The following ADGRA3 variants were observed in gnomAD, a reference collection of about 807,000 sequenced individuals.
ADGRA3 encodes the protein G-protein coupled receptor 125.
In ADGRA3, 56 loss-of-function variants were observed where a neutral mutation model predicts 119.8. That is an observed-to-expected ratio of 0.47 (90% CI 0.38 to 0.58). The LOEUF is 0.58. ADGRA3 is among the 20% of genes least tolerant of loss of function. ADGRA3 has a pLI of 0.00. For synonymous variants in ADGRA3, 607 were observed against 623.8 expected (o/e 0.97, Z 0.40); for missense variants, 1,516 against 1,649.0 (o/e 0.92, Z 1.40).
In ADGRA3 at chr4:22,387,499, A is replaced by G. The variant is rs1364755999; in HGVS notation, c.*206T>C. On this transcript the variant is annotated 3_prime_UTR_variant, in exon 19 of 19. Coordinates refer to ENST00000334304, the MANE Select transcript of ADGRA3 (RefSeq NM_145290.4). ...GTCCTGTTGGTGCTTTGACAACTAAAACAATGTTTTAGAAAGATTTTGTTT... is the reference window on the plus strand; with the variant it reads ...GTCCTGTTGGTGCTTTGACAACTAAGACAATGTTTTAGAAAGATTTTGTTT... 7 of 487,116 alleles carry G rather than the reference A, an allele frequency of 1.4e-5. No homozygotes were observed. The highest frequency in any genetic ancestry group is 7.8e-5 in the African/African-American group (4 of 51,170). The allele number at this position is 487,116 out of a possible 1,614,324, so 30.2% of individuals were successfully genotyped here.
At chr4:22,494,079 C>T (rs891266856) in intron 1 of ADGRA3, among the ~76,000 whole-genome samples, 1 of 151,800 alleles carries the variant, frequency 6.6e-6, no homozygotes, top group East Asian at 1.9e-4. Context: ...GAGGCGGGTG[C>T]CTGTAATCCC....
chr4:22,461,479 T>G (rs1039645577), intron 3 of ADGRA3, among the ~76,000 whole-genome samples: 1 of 152,110 alleles, frequency 6.6e-6, no homozygotes, highest in Non-Finnish European at 1.5e-5. Flanking sequence ...TTCGTATTTT[T>G]AGTAGAGACG....
chr4:22,409,919 T>C lies in ADGRA3; in HGVS notation c.2232+3263A>G, dbSNP rs374307756. ...GATAGGTAGGACTTCCAGCTTTCAC[T>C]GTATGTTAATGTGTAGAAATAAATA... On this transcript the variant is annotated intron_variant, in intron 14 of 18. Coordinates refer to ENST00000334304, the MANE Select transcript of ADGRA3 (RefSeq NM_145290.4). 5.6e-4 allele frequency among the ~76,000 whole-genome samples: 85 copies of C among 152,364 alleles called. 1 individual carries two copies. Among genetic ancestry groups the C allele is most frequent in the African/African-American group, 1.8e-3 (73 of 41,592 alleles).
At chr4:22,444,824 C>T in intron 6 of ADGRA3, 149 bp downstream of exon 6, 1 of 767,946 alleles carries the variant, frequency 1.3e-6, no homozygotes. Context: ...TAATCGTTGG[C>T]ATAAACTAAA....
intron 18 of ADGRA3, 69 bp from the exon 19 acceptor site, chr4:22,389,016 A>G (rs1713989617): frequency 1.3e-6 from 2 of 1,595,432 alleles, no homozygotes; most frequent in Non-Finnish European, 1.7e-6. Flanking sequence ...AATTGCAATC[A>G]CCTGTAATGC....
Position 22,442,640 on chromosome 4 carries a change from A to C in ADGRA3, c.920+10T>G. 6.3e-7 allele frequency: 1 copy of C among 1,599,206 alleles called. No homozygotes were observed. ...ACAATTCTTCATTCAAAAAAAAAAA[A>C]AAAGTTTACCTTGCAATCAAGGAGC... On this transcript the variant is annotated intron_variant, in intron 7 of 18. Transcript: ENST00000334304.
intron 1 of ADGRA3, among the ~76,000 whole-genome samples, chr4:22,512,856 T>G (rs1045897760): frequency 3.9e-5 from 6 of 152,112 alleles, no homozygotes; most frequent in Admixed American, 3.3e-4. Flanking sequence ...CCCTAGGCAC[T>G]AACACACAGT....
At chr4:22,473,438 A>T (rs750473443) in intron 2 of ADGRA3, among the ~76,000 whole-genome samples, 3 of 152,208 alleles carry the variant, frequency 2.0e-5, no homozygotes, top group Non-Finnish European at 2.9e-5. Flanking sequence ...GATTTACTGG[A>T]AGACATCCAC....
At chr4:22,395,024 A>G (rs2108997834) in intron 16 of ADGRA3, among the ~76,000 whole-genome samples, 1 of 152,308 alleles carries the variant, frequency 6.6e-6, no homozygotes, top group South Asian at 2.1e-4. Context: ...ATGAAATACA[A>G]CCTTGCTATC....
intron 4 of ADGRA3, 58 bp downstream of exon 4, chr4:22,454,808 T>A (rs10003883): frequency 0.14 from 179,023 of 1,237,750 alleles, 13,803 homozygotes; most frequent in South Asian, 0.24. Flanking sequence ...TCATACATAT[T>A]TAGGTACTGG....
At chr4:22,390,711 G>C (rs1025187318) in intron 17 of ADGRA3, among the ~76,000 whole-genome samples, 3 of 151,930 alleles carry the variant, frequency 2.0e-5, no homozygotes, top group African/African-American at 7.3e-5. Context: ...GGATATGGGG[G>C]AAGCAGGGCT....
intron 11 of ADGRA3, among the ~76,000 whole-genome samples, chr4:22,422,001 A>G (rs1474937006): frequency 6.6e-6 from 1 of 152,080 alleles, no homozygotes; most frequent in African/African-American, 2.4e-5. Flanking sequence ...AAAGGAATTC[A>G]GGAACAAAAG....
chr4:22,498,447 C>A (rs915000899), intron 1 of ADGRA3, among the ~76,000 whole-genome samples: 23 of 151,146 alleles, frequency 1.5e-4, no homozygotes, highest in African/African-American at 5.4e-4. Context: ...GGTGAAACCT[C>A]GTCTCTACTA....
At chr4:22,457,189 A>G (rs1337373896) in intron 3 of ADGRA3, among the ~76,000 whole-genome samples, 1 of 152,242 alleles carries the variant, frequency 6.6e-6, no homozygotes. Context: ...CGTTGATAAA[A>G]CAAGAGAAAC....
intron 16 of ADGRA3, among the ~76,000 whole-genome samples, chr4:22,398,829 T>C (rs140199498): frequency 1.2e-3 from 180 of 152,300 alleles, no homozygotes; most frequent in African/African-American, 4.1e-3. Flanking sequence ...ATATTGTGCA[T>C]AGTGCTGCAA....
intron 1 of ADGRA3, among the ~76,000 whole-genome samples, chr4:22,494,204 C>G (rs1234115003): frequency 7.4e-6 from 1 of 135,280 alleles, no homozygotes; most frequent in Non-Finnish European, 1.6e-5. Context: ...GACTCTGTCT[C>G]AGAAAAAAAA....
At chr4:22,400,676 A>G (rs752209580) in intron 16 of ADGRA3, among the ~76,000 whole-genome samples, 17 of 152,260 alleles carry the variant, frequency 1.1e-4, no homozygotes, top group Non-Finnish European at 2.2e-4. Flanking sequence ...TTGTTTACAG[A>G]GATCACATGT....
At chr4:22,506,211 G>A (rs908225014) in intron 1 of ADGRA3, among the ~76,000 whole-genome samples, 1 of 152,112 alleles carries the variant, frequency 6.6e-6, no homozygotes, top group Admixed American at 6.5e-5. Flanking sequence ...TTACCCTTCA[G>A]GCCCTGAACA....
intron 1 of ADGRA3, among the ~76,000 whole-genome samples, chr4:22,486,663 C>A (rs1324350712): frequency 6.6e-6 from 1 of 152,132 alleles, no homozygotes; most frequent in African/African-American, 2.4e-5. Context: ...GCAACTCTAA[C>A]CTATTTTGTA....
Sources: gnomAD v4.1 joint callset for allele counts (sites outside exome capture counted in the v4.1 genomes callset) on GRCh38, gnomAD v4.1.1 for gene constraint, MANE v1.5 for transcripts, NCBI Gene and HGNC (gene_info 2026-07-23, HGNC 2026-07-21) for gene names.